The following PCDHGA4 variants were observed in gnomAD, a reference collection of about 807,000 sequenced individuals.
PCDHGA4 encodes protocadherin gamma-A4.
A neutral mutation model predicts 54.6 loss-of-function variants in PCDHGA4; 38 were observed. The observed-to-expected ratio is 0.70, with a 90% CI of 0.54 to 0.91. The LOEUF (loss-of-function observed/expected upper bound fraction) is 0.91. Ranked by LOEUF, PCDHGA4 falls within the 40% of genes least tolerant of loss-of-function variation. The pLI is 0.00. For missense variants in PCDHGA4, 1,298 were observed against 1,220.9 expected, an observed-to-expected ratio of 1.06 and a Z score of -0.94; for synonymous variants, 511 against 512.9, an observed-to-expected ratio of 1.00 and a Z score of 0.05.
intron 1 of PCDHGA4, among the ~76,000 whole-genome samples, chr5:141,467,854 T>C (rs1337373000): frequency 6.6e-6 from 1 of 151,968 alleles, no homozygotes; most frequent in Admixed American, 6.6e-5. Flanking sequence ...GAATGAGATT[T>C]CACCATGTTG....
chr5:141,452,888 C>T (rs62379168), intron 1 of PCDHGA4, among the ~76,000 whole-genome samples: 13,856 of 152,130 alleles, frequency 0.091, 849 homozygotes, highest in African/African-American at 0.17. Flanking sequence ...TAATTTATTC[C>T]ACTTTTATTA....
In PCDHGA4 at chr5:141,431,771, C is replaced by G. The variant is rs1175712662; in HGVS notation, c.2515-63036C>G. 1.2e-6 allele frequency: 2 copies of G among 1,614,214 alleles called. No homozygotes were observed. Among genetic ancestry groups the G allele is most frequent in the Non-Finnish European group, 8.5e-7 (1 of 1,180,034 alleles). The stretch of plus-strand genomic sequence containing the variant: ...GCGAGCCAAAGTCCTGATCACTGTT[C>G]TGGACGTGAACGACAATGCCCCAGA... On this transcript the variant is annotated intron_variant, in intron 1 of 3. Coordinates refer to ENST00000571252, the MANE Select transcript of PCDHGA4 (RefSeq NM_018917.4). The surrounding 1 kb of genome is among the most constrained non-coding windows in gnomAD (Gnocchi z 4.8).
At chr5:141,415,359 G>C in intron 1 of PCDHGA4, 2 of 1,614,246 alleles carry the variant, frequency 1.2e-6, no homozygotes, top group Non-Finnish European at 1.7e-6. Flanking sequence ...AGTCACGCCT[G>C]CTGCAGGCTT....
At chr5:141,414,856 G>C (rs1269714202) in intron 1 of PCDHGA4, 2 of 1,614,216 alleles carry the variant, frequency 1.2e-6, no homozygotes, top group Non-Finnish European at 8.5e-7. Flanking sequence ...GGACCAGAAC[G>C]ACAATGCGCC....
At chr5:141,492,242 C>G (rs2099738685) in intron 1 of PCDHGA4, among the ~76,000 whole-genome samples, 1 of 152,190 alleles carries the variant, frequency 6.6e-6, no homozygotes, top group Admixed American at 6.5e-5. Flanking sequence ...GCTGGCCACC[C>G]CCACGGCCCA....
chr5:141,400,867 C>A (rs1005203103), intron 1 of PCDHGA4, among the ~76,000 whole-genome samples: 37 of 152,162 alleles, frequency 2.4e-4, no homozygotes, highest in African/African-American at 8.9e-4. Context: ...TGTAGATAAA[C>A]CATTAAATTT....
intron 1 of PCDHGA4, chr5:141,410,854 T>C: frequency 2.6e-6 from 1 of 387,418 alleles, no homozygotes; most frequent in Non-Finnish European, 4.2e-6. Flanking sequence ...TTTGTCTTTT[T>C]TTTTTTTTTT....
intron 1 of PCDHGA4, chr5:141,403,596 C>T: frequency 6.2e-7 from 1 of 1,613,768 alleles, no homozygotes; most frequent in Non-Finnish European, 8.5e-7. Context: ...CTCACGGCCT[C>T]GGATGGCGGC....
intron 1 of PCDHGA4, chr5:141,389,699 C>T: frequency 1.2e-6 from 2 of 1,612,646 alleles, no homozygotes; most frequent in Non-Finnish European, 1.7e-6. Flanking sequence ...TGTCCTACCA[C>T]GTGCTGCAGG....
At chr5:141,408,797 C>T (rs965305130) in intron 1 of PCDHGA4, 1 of 1,612,958 alleles carries the variant, frequency 6.2e-7, no homozygotes, top group African/African-American at 1.3e-5. Flanking sequence ...TCTGGAGAAA[C>T]TCCTAGACCG....
intron 1 of PCDHGA4, among the ~76,000 whole-genome samples, chr5:141,434,567 C>T (rs1220152239): frequency 6.6e-6 from 1 of 152,206 alleles, no homozygotes; most frequent in East Asian, 1.9e-4. Flanking sequence ...TAAGGACATG[C>T]CCCTGCTGCA....
chr5:141,392,970 G>A (rs2092639280), intron 1 of PCDHGA4: 1 of 1,613,778 alleles, frequency 6.2e-7, no homozygotes, highest in Non-Finnish European at 8.5e-7. Flanking sequence ...CAAGGACCTG[G>A]GGCTGGACCC....
chr5:141,364,882 C>T (rs199576947), intron 1 of PCDHGA4: 2 of 1,613,962 alleles, frequency 1.2e-6, no homozygotes, highest in African/African-American at 1.3e-5. Context: ...ATGTGGTAAG[C>T]GGAACTGATG....
chr5:141,360,357 T>A, intron 1 of PCDHGA4: 1 of 1,613,878 alleles, frequency 6.2e-7, no homozygotes, highest in African/African-American at 1.3e-5. Flanking sequence ...AGAAGGAATA[T>A]TTCACAGTAA....
At position 141,362,424 on chromosome 5, in the gene PCDHGA4, AG is replaced by A. The variant is rs764699522; in HGVS notation, c.2514+4804del. On this transcript the variant is annotated intron_variant, in intron 1 of 3. Coordinates refer to ENST00000571252, the MANE Select transcript of PCDHGA4 (RefSeq NM_018917.4). ...GTGTTGCCTCACAATCAGCCAAGAC[AG>A]AGTTCAATTTTCTGAACATAACCCC... 14 of 1,613,916 alleles carry A rather than the reference AG, an allele frequency of 8.7e-6. No homozygotes were observed. The African/African-American group carries it at 1.7e-4, about 20-fold the overall frequency.
intron 1 of PCDHGA4, among the ~76,000 whole-genome samples, chr5:141,369,109 A>G (rs1037761317): frequency 1.3e-5 from 2 of 152,176 alleles, no homozygotes; most frequent in African/African-American, 4.8e-5. Flanking sequence ...TGGAATTAAA[A>G]CTGTAAGACA....
In PCDHGA4 at chr5:141,494,849, A is replaced by C; in HGVS notation, c.2557A>C (p.Arg853=). ...NTDWRFSQAQ[R]PGTSGSQNGD... ...GGACTGGCGTTTCTCTCAGGCCCAG[A>C]GACCCGGCACCAGCGGGTAGGTGAC... Residue 853 remains arginine, a synonymous_variant, in exon 2 of 4, where the codon AGA becomes CGA. Transcript: ENST00000571252. 1 of 1,614,102 alleles carries C rather than the reference A, an allele frequency of 6.2e-7. No individual in the cohort carries two copies. Among genetic ancestry groups the C allele is most frequent in the Non-Finnish European group, 8.5e-7 (1 of 1,180,014 alleles).
chr5:141,389,906 T>A, intron 1 of PCDHGA4: 1 of 1,614,086 alleles, frequency 6.2e-7, no homozygotes, highest in Non-Finnish European at 8.5e-7. Context: ...CGGATATCAC[T>A]GACCGCCCCG....
At position 141,486,646 on chromosome 5, in the gene PCDHGA4, C is replaced by T; in HGVS notation, c.2515-8161C>T. On this transcript the variant is annotated intron_variant, in intron 1 of 3. Transcript: ENST00000571252. The surrounding 1 kb of genome is among the most constrained non-coding windows in gnomAD (Gnocchi z 5.0). ...ACTCTGGCTTGAATGCGCTTATCTC[C>T]TACTCACTCCTGGAGCCCAGGAATC... is the stretch of plus-strand genomic sequence containing the variant. 4.3e-6 allele frequency: 7 copies of T among 1,613,916 alleles called. No individual in the cohort carries two copies. Among genetic ancestry groups the T allele is most frequent in the African/African-American group, 1.3e-5 (1 of 75,058 alleles).
Sources: allele counts gnomAD v4.1 joint callset (sites outside exome capture counted in the v4.1 genomes callset), GRCh38; gene constraint gnomAD v4.1.1; non-coding constraint Gnocchi (gnomAD v3.1); transcripts MANE v1.5; gene names NCBI Gene and HGNC (gene_info 2026-07-23, HGNC 2026-07-21).